The following ZFAND2B variants were observed in gnomAD, a reference collection of about 807,000 sequenced individuals.
The protein encoded by ZFAND2B is AN1-type zinc finger protein 2B.
In ZFAND2B, 27 loss-of-function variants were observed where a neutral mutation model predicts 38.2. The observed-to-expected ratio is 0.71, with a 90% CI of 0.52 to 0.97. The LOEUF (loss-of-function observed/expected upper bound fraction) is 0.97, where lower values mean the gene tolerates loss of function less well. Ranked by LOEUF, ZFAND2B falls within the 50% of genes least tolerant of loss-of-function variation. The pLI is 0.00. For missense variants in ZFAND2B, 303 were observed against 331.5 expected (o/e 0.91, Z 0.67); for synonymous variants, 111 against 119.4 (o/e 0.93, Z 0.46).
Position 219,206,874 on chromosome 2 carries a change from G to A in ZFAND2B, c.-114G>A, listed in dbSNP as rs1333244166. The A allele has an allele frequency of 5.9e-6, 7 of 1,187,398 alleles. No individual in the cohort carries two copies. The highest frequency in any genetic ancestry group is 3.2e-5 in the African/African-American group (2 of 62,518). 73.6% of individuals were successfully genotyped at this position (1,187,398 alleles called of 1,614,324 possible). A position where few individuals can be genotyped will look rare whatever the true frequency, so the allele number is the denominator to read the frequency against. On this transcript the variant is annotated 5_prime_UTR_variant, in exon 1 of 9. Coordinates refer to ENST00000289528, the MANE Select transcript of ZFAND2B (RefSeq NM_138802.3). ...ACCCGGGCTGGGCGGGGGAGAGGAAGGGGCGGGGCAGGGAGCCCGCCAGAG... is the reference window on the plus strand; with the variant it reads ...ACCCGGGCTGGGCGGGGGAGAGGAAAGGGCGGGGCAGGGAGCCCGCCAGAG...
chr2:219,206,922 C>G lies in ZFAND2B; in HGVS notation c.-66C>G. ...GAGTGCGGGGTCGCGGTGCGGACTT[C>G]GAGCACGAGCCCTAAAGACGCTCAG... On this transcript the variant is annotated 5_prime_UTR_variant, in exon 1 of 9. Coordinates refer to ENST00000289528, the MANE Select transcript of ZFAND2B (RefSeq NM_138802.3). 6.4e-7 allele frequency: 1 copy of G among 1,564,792 alleles called. No homozygotes were observed. The highest frequency in any genetic ancestry group is 8.7e-7 in the Non-Finnish European group (1 of 1,147,728).
At position 219,207,026 on chromosome 2, in the gene ZFAND2B, G is replaced by A. The variant is rs1045745843; in HGVS notation, c.39G>A (p.Pro13=). 1.7e-5 allele frequency: 27 copies of A among 1,609,820 alleles called. No homozygotes were observed. Among genetic ancestry groups the A allele is most frequent in the South Asian group, 2.2e-5 (2 of 90,420 alleles). ...FPDLGAHCSE[P]SCQRLDFLPL... ...ACCTCGGCGCTCACTGTTCGGAGCCGAGCTGTCAGCGCTTGGGTGAGGGGC... is the reference window on the plus strand; with the variant it reads ...ACCTCGGCGCTCACTGTTCGGAGCCAAGCTGTCAGCGCTTGGGTGAGGGGC... The change falls in exon 1 of 9, where the codon CCG becomes CCA. Residue 13 remains proline (P), a synonymous_variant. Coordinates refer to ENST00000289528, the MANE Select transcript of ZFAND2B (RefSeq NM_138802.3).
Position 219,208,657 on chromosome 2 carries a change from GAA to G in ZFAND2B, c.656+20_656+21del, listed in dbSNP as rs1559232569. ...GTTCCAAGGTACCTTACCCTCTTGTGAAAGAGAGCGCAAGCTGTGGGCAAGGG... is the reference window on the plus strand; with the variant it reads ...GTTCCAAGGTACCTTACCCTCTTGTGAGAGAGCGCAAGCTGTGGGCAAGGG... On this transcript the variant is annotated intron_variant, in intron 7 of 8. Coordinates refer to ENST00000289528, the MANE Select transcript of ZFAND2B (RefSeq NM_138802.3). 1 of 1,613,704 alleles carries G rather than the reference GAA, an allele frequency of 6.2e-7. No individual in the cohort carries two copies. The highest frequency in any genetic ancestry group is 8.5e-7 in the Non-Finnish European group (1 of 1,179,840).
At chr2:219,208,956 T>G in intron 7 of ZFAND2B, 21 bp from the exon 8 acceptor site, 1 of 1,613,622 alleles carries the variant, frequency 6.2e-7, no homozygotes, top group East Asian at 2.2e-5. Context: ...TCATCCAACT[T>G]AAACTGTTTC....
At position 219,208,457 on chromosome 2, in the gene ZFAND2B, C is replaced by T; in HGVS notation, c.559C>T (p.Pro187Ser). The T allele has an allele frequency of 6.2e-7, 1 of 1,614,234 alleles. No individual in the cohort carries two copies. The highest frequency in any genetic ancestry group is 8.5e-7 in the Non-Finnish European group (1 of 1,180,042). The change falls in exon 6 of 9, where the codon CCT becomes TCT. Residue 187 changes from proline to serine, a missense_variant. Pro to Ser is a moderately conservative substitution (Grantham distance 74, BLOSUM62 -1). Transcript: ENST00000289528. ...ATTRSPSWTA[P>S]PVIALQNGLS... The stretch of plus-strand genomic sequence containing the variant: ...AACCCGATCTCCGTCCTGGACAGCC[C>T]CTCCAGTGATTGCTTTGCAGAATGG...
chr2:219,207,488 T>C, intron 2 of ZFAND2B, 67 bp downstream of exon 2: 1 of 1,582,824 alleles, frequency 6.3e-7, no homozygotes, highest in Non-Finnish European at 8.6e-7. Context: ...CCCAAATCTG[T>C]GTCTCACGTT....
In ZFAND2B at chr2:219,207,313, CCAACTCTTTG is replaced by C; in HGVS notation, c.56-11_56-2del. On this transcript the variant is annotated splice_polypyrimidine_tract_variant and splice_region_variant and intron_variant, in intron 1 of 8. Transcript: ENST00000289528. ...AGGTCCCGCTGGACCTGCAATCCGA[CCAACTCTTTG>C]CAGATTTTCTGCCGCTTAAGTGTGA... is the stretch of plus-strand genomic sequence containing the variant. The C allele has an allele frequency of 6.2e-7, 1 of 1,613,276 alleles. No individual in the cohort carries two copies. The highest frequency in any genetic ancestry group is 8.5e-7 in the Non-Finnish European group (1 of 1,179,228).
rs759453398 is a variant in ZFAND2B at position 219,208,243 on chromosome 2, C to T, written c.435-13C>T. ...GTTCTTGGAGACATGCCAAAAATCTCTCTTCCCTACAGACTTGCTGCCATC... is the reference window on the plus strand; with the variant it reads ...GTTCTTGGAGACATGCCAAAAATCTTTCTTCCCTACAGACTTGCTGCCATC... On this transcript the variant is annotated splice_polypyrimidine_tract_variant and intron_variant, in intron 4 of 8. Coordinates refer to ENST00000289528, the MANE Select transcript of ZFAND2B (RefSeq NM_138802.3). 3.1e-6 allele frequency: 5 copies of T among 1,614,068 alleles called. No homozygotes were observed. Among genetic ancestry groups the T allele is most frequent in the Non-Finnish European group, 4.2e-6 (5 of 1,179,940 alleles).
rs1362324731 is a variant in ZFAND2B at position 219,209,479 on chromosome 2, AAGAG to A, written c.*176_*179del. 2.5e-6 allele frequency: 2 copies of A among 801,894 alleles called. No individual in the cohort carries two copies. The highest frequency in any genetic ancestry group is 3.4e-5 in the African/African-American group (2 of 58,674). The allele number at this position is 801,894 out of a possible 1,614,324, so 49.7% of individuals were successfully genotyped here. On this transcript the variant is annotated 3_prime_UTR_variant, in exon 9 of 9. Coordinates refer to ENST00000289528, the MANE Select transcript of ZFAND2B (RefSeq NM_138802.3). ...CCTTGCTAGTGCTCCAGCTGCATGG[AAGAG>A]AGCGGCTAGCAACTGTTCCCTGGTT... is the stretch of plus-strand genomic sequence containing the variant.
In ZFAND2B at chr2:219,209,359, C is replaced by T; in HGVS notation, c.*53C>T. ...CCTGAGGAGGACTGTGGCCCTCACA[C>T]CTCTAGGGTACACAGGGAGAGGAGG... On this transcript the variant is annotated 3_prime_UTR_variant, in exon 9 of 9. Transcript: ENST00000289528. The T allele has an allele frequency of 6.3e-7, 1 of 1,587,998 alleles. No individual in the cohort carries two copies.
At chr2:219,208,786 GT>G (rs1288256557) in intron 7 of ZFAND2B, 147 bp downstream of exon 7, 6 of 1,095,712 alleles carry the variant, frequency 5.5e-6, no homozygotes, top group Middle Eastern at 2.0e-4. Flanking sequence ...TCTTTGACAA[GT>G]TATTTAACCC....
chr2:219,207,775 G>C lies in ZFAND2B; in HGVS notation c.278G>C (p.Arg93Pro). The C allele has an allele frequency of 6.2e-7, 1 of 1,614,154 alleles. No individual in the cohort carries two copies. The highest frequency in any genetic ancestry group is 8.5e-7 in the Non-Finnish European group (1 of 1,180,028). Reference protein sequence around the residue: ...DCRSDPAQQKRKIFTNKCERA... With the variant: ...DCRSDPAQQKPKIFTNKCERA... Reference sequence around the variant, plus strand: ...CGCTCTGATCCAGCACAGCAAAAACGTAAGGTAAACATTGTAGGGGTCAGC... The same window carrying C: ...CGCTCTGATCCAGCACAGCAAAAACCTAAGGTAAACATTGTAGGGGTCAGC... Residue 93 changes from arginine to proline, a missense_variant, in exon 3 of 9, where the codon CGT (arginine) becomes CCT (proline). Arg to Pro is a moderately radical substitution (Grantham distance 103). Coordinates refer to ENST00000289528, the MANE Select transcript of ZFAND2B (RefSeq NM_138802.3).
chr2:219,209,473 G>A lies in ZFAND2B; in HGVS notation c.*167G>A, dbSNP rs1950544741. 1 of 820,144 alleles carries A rather than the reference G, an allele frequency of 1.2e-6. No homozygotes were observed. Among genetic ancestry groups the A allele is most frequent in the African/African-American group, 1.7e-5 (1 of 58,970 alleles). 50.8% of individuals were successfully genotyped at this position (820,144 alleles called of 1,614,324 possible). ...GGAAGGCCTTGCTAGTGCTCCAGCT[G>A]CATGGAAGAGAGCGGCTAGCAACTG... is the stretch of plus-strand genomic sequence containing the variant. On this transcript the variant is annotated 3_prime_UTR_variant, in exon 9 of 9. Transcript: ENST00000289528.
At position 219,206,956 on chromosome 2, in the gene ZFAND2B, G is replaced by T. The variant is rs773512722; in HGVS notation, c.-32G>T. On this transcript the variant is annotated 5_prime_UTR_variant, in exon 1 of 9. Transcript: ENST00000289528. ...GCCCTAAAGACGCTCAGCACTCGTC[G>T]CTTCTCCTAGCAGACCCTGCCCGGC... 4 of 1,611,270 alleles carry T rather than the reference G, an allele frequency of 2.5e-6. No individual in the cohort carries two copies. The East Asian group carries it at 8.9e-5, about 36-fold the overall frequency.
chr2:219,208,204 C>G (rs1950518347), intron 4 of ZFAND2B, 52 bp from the exon 5 acceptor site: 1 of 1,608,332 alleles, frequency 6.2e-7, no homozygotes, highest in Non-Finnish European at 8.5e-7. Context: ...CTCCTGACTT[C>G]CTGGGTAAGG....
Position 219,209,284 on chromosome 2 carries a change from C to T in ZFAND2B, c.752C>T (p.Pro251Leu), listed in dbSNP as rs771312195. The T allele has an allele frequency of 1.5e-5, 24 of 1,610,706 alleles. No individual in the cohort carries two copies. Among genetic ancestry groups the T allele is most frequent in the Non-Finnish European group, 1.5e-5 (18 of 1,179,052 alleles). ...TAGGCCCAGAGCCGCAGCTCGAAGC[C>T]GTCCAACTGCAGCCTGTGCTAGGGC... The part of the protein sequence containing the change: ...RQQAQSRSSK[P>L]SNCSLC The change falls in exon 9 of 9, where the codon CCG (proline) becomes CTG (leucine). Residue 251 changes from proline to leucine, a missense_variant. By Grantham distance (98) the Pro-to-Leu change is moderately conservative. Coordinates refer to ENST00000289528, the MANE Select transcript of ZFAND2B (RefSeq NM_138802.3).
In ZFAND2B at chr2:219,206,891, C is replaced by T; in HGVS notation, c.-97C>T. 6 of 1,371,326 alleles carry T rather than the reference C, an allele frequency of 4.4e-6. No homozygotes were observed. Among genetic ancestry groups the T allele is most frequent in the South Asian group, 1.3e-5 (1 of 78,124 alleles). 84.9% of individuals were successfully genotyped at this position (1,371,326 alleles called of 1,614,324 possible). ...GAGAGGAAGGGGCGGGGCAGGGAGC[C>T]CGCCAGAGTGCGGGGTCGCGGTGCG... On this transcript the variant is annotated 5_prime_UTR_variant, in exon 1 of 9. Transcript: ENST00000289528.
In ZFAND2B at chr2:219,206,877, G is replaced by A. The variant is rs1324395162; in HGVS notation, c.-111G>A. The A allele has an allele frequency of 3.2e-6, 4 of 1,233,824 alleles. No individual in the cohort carries two copies. Among genetic ancestry groups the A allele is most frequent in the Non-Finnish European group, 4.5e-6 (4 of 887,768 alleles). 76.4% of individuals were successfully genotyped at this position (1,233,824 alleles called of 1,614,324 possible). A position where few individuals can be genotyped will look rare whatever the true frequency, so the allele number is the denominator to read the frequency against. On this transcript the variant is annotated 5_prime_UTR_variant, in exon 1 of 9. Transcript: ENST00000289528. ...CGGGCTGGGCGGGGGAGAGGAAGGG[G>A]CGGGGCAGGGAGCCCGCCAGAGTGC... is the stretch of plus-strand genomic sequence containing the variant.
Position 219,208,353 on chromosome 2 carries a change from G to C in ZFAND2B, c.527+5G>C. ...TTCCTGTACCTCTCCCAGCAGGTAG[G>C]CCTGCCCGTTTCCCTGCTCCCCCTT... On this transcript the variant is annotated splice_donor_5th_base_variant and intron_variant, in intron 5 of 8. Coordinates refer to ENST00000289528, the MANE Select transcript of ZFAND2B (RefSeq NM_138802.3). 3 of 1,614,106 alleles carry C rather than the reference G, an allele frequency of 1.9e-6. No individual in the cohort carries two copies. Among genetic ancestry groups the C allele is most frequent in the Non-Finnish European group, 2.5e-6 (3 of 1,180,000 alleles).
Sources: allele counts gnomAD v4.1 joint callset, GRCh38; gene constraint gnomAD v4.1.1; transcripts MANE v1.5; gene names NCBI Gene and HGNC (gene_info 2026-07-23, HGNC 2026-07-21).